Variants in LMAN2L observed in about 807,000 individuals in gnomAD.
LMAN2L encodes lectin, mannose binding 2 like, also known as VIP36-like protein.
LMAN2L carries 30 observed loss-of-function variants against 44.3 expected under a neutral mutation model. The observed-to-expected ratio is 0.68, with a 90% confidence interval of 0.51 to 0.92. The LOEUF (loss-of-function observed/expected upper bound fraction) is 0.92, where lower values mean the gene tolerates loss of function less well. Ranked by LOEUF, LMAN2L falls within the 40% of genes least tolerant of loss-of-function variation. The pLI, the probability that LMAN2L is intolerant of heterozygous loss-of-function variation, is 0.00. For missense variants in LMAN2L, 429 were observed against 446.1 expected, an observed-to-expected ratio of 0.96 and a Z score of 0.35; for synonymous variants, 183 against 171.1, an observed-to-expected ratio of 1.07 and a Z score of -0.54.
At chr2:96,717,676 T>C (rs548269640) in intron 4 of LMAN2L, among the ~76,000 whole-genome samples, 12 of 151,586 alleles carry the variant, frequency 7.9e-5, no homozygotes, top group East Asian at 5.9e-4. Flanking sequence ...CCCGTCCCTA[T>C]TAAAAATACA....
At chr2:96,708,133 G>A (rs2077826277) in intron 6 of LMAN2L, among the ~76,000 whole-genome samples, 1 of 152,210 alleles carries the variant, frequency 6.6e-6, no homozygotes, top group African/African-American at 2.4e-5. Context: ...TCTGCGCTTA[G>A]CAGAAACCAT....
At chr2:96,708,278 G>A (rs1241720009) in intron 6 of LMAN2L, among the ~76,000 whole-genome samples, 2 of 152,242 alleles carry the variant, frequency 1.3e-5, no homozygotes, top group African/African-American at 2.4e-5. Context: ...AACCAGTACT[G>A]CATCGTGTAC....
chr2:96,707,866 C>T (rs1157469399), intron 6 of LMAN2L, 33 bp from the exon 7 acceptor site: 4 of 1,607,982 alleles, frequency 2.5e-6, no homozygotes, highest in Non-Finnish European at 3.4e-6. Context: ...TGACTTGTGC[C>T]ACTTGAAAAA....
intron 4 of LMAN2L, among the ~76,000 whole-genome samples, chr2:96,726,182 T>C (rs906375734): frequency 6.6e-6 from 1 of 151,460 alleles, no homozygotes; most frequent in Non-Finnish European, 1.5e-5. Context: ...TTTTATAATA[T>C]TTTTGCATAT....
chr2:96,711,580 G>C, intron 6 of LMAN2L, 76 bp downstream of exon 6: 1 of 975,130 alleles, frequency 1.0e-6, no homozygotes, highest in South Asian at 1.4e-5. Context: ...GCTCTCCCCT[G>C]TGAGAGGCCT....
At position 96,740,033 on chromosome 2, in the gene LMAN2L, G is replaced by C. The variant is rs768460693; in HGVS notation, c.8C>G (p.Ala3Gly). Residue 3 changes from alanine (A) to glycine (G), a missense_variant, in exon 1 of 8, where the codon GCG becomes GGG. Physicochemically the swap from Ala to Gly is moderately conservative, Grantham distance 60 (BLOSUM62 0). Transcript: ENST00000264963. The part of the protein sequence containing the change: MA[A>G]TLGPLGSWQQ... ...CCACGACCCAAGGGGTCCCAGAGTCGCCGCCATCTTTCCCACCAACGACCC... is the reference window on the plus strand; with the variant it reads ...CCACGACCCAAGGGGTCCCAGAGTCCCCGCCATCTTTCCCACCAACGACCC... 1 of 1,605,314 alleles carries C rather than the reference G, an allele frequency of 6.2e-7. No homozygotes were observed.
Position 96,733,540 on chromosome 2 carries a change from G to A in LMAN2L, c.486C>T (p.Pro162=), listed in dbSNP as rs762369457. 2 of 1,613,742 alleles carry A rather than the reference G, an allele frequency of 1.2e-6. No homozygotes were observed. The highest frequency in any genetic ancestry group is 2.2e-5 in the South Asian group (2 of 91,060). Reference sequence around the variant, plus strand: ...TTACCTCTTGCTGCTTCTCCTCATTGGGGTAGGTGTCTACAAATACTCCCA... The same window carrying A: ...TTACCTCTTGCTGCTTCTCCTCATTAGGGTAGGTGTCTACAAATACTCCCA... ...VGLGVFVDTY[P]NEEKQQERVF... The change falls in exon 4 of 8, where the codon CCC becomes CCT. Residue 162 remains proline, a synonymous_variant. Coordinates refer to ENST00000264963, the MANE Select transcript of LMAN2L (RefSeq NM_030805.4).
intron 4 of LMAN2L, among the ~76,000 whole-genome samples, chr2:96,732,244 C>T (rs1222061113): frequency 6.8e-6 from 1 of 146,996 alleles, no homozygotes; most frequent in Non-Finnish European, 1.5e-5. Flanking sequence ...TCCTGATTTC[C>T]TCGCTAGGTA....
At chr2:96,722,980 A>T (rs1182156305) in intron 4 of LMAN2L, among the ~76,000 whole-genome samples, 1 of 152,166 alleles carries the variant, frequency 6.6e-6, no homozygotes, top group African/African-American at 2.4e-5. Flanking sequence ...AGATCACGCC[A>T]CTGCACTTCA....
At chr2:96,724,383 T>C (rs1470653908) in intron 4 of LMAN2L, among the ~76,000 whole-genome samples, 1 of 152,198 alleles carries the variant, frequency 6.6e-6, no homozygotes, top group Admixed American at 6.5e-5. Context: ...TTTTGAGAGG[T>C]AGGGACTGCA....
chr2:96,730,682 C>CT (rs202044401), intron 4 of LMAN2L, among the ~76,000 whole-genome samples: 16 of 151,520 alleles, frequency 1.1e-4, no homozygotes, highest in African/African-American at 2.2e-4. Context: ...CTCTCTCTCT[C>CT]TTTTTTTTGA....
intron 4 of LMAN2L, among the ~76,000 whole-genome samples, chr2:96,725,617 G>A (rs2078254385): frequency 6.7e-6 from 1 of 148,950 alleles, no homozygotes; most frequent in Admixed American, 6.7e-5. Flanking sequence ...TGATTTTTTT[G>A]TATTTTTTTA....
chr2:96,708,349 A>G (rs1038904832), intron 6 of LMAN2L, among the ~76,000 whole-genome samples: 7 of 152,212 alleles, frequency 4.6e-5, no homozygotes, highest in Admixed American at 4.6e-4. Context: ...TTTGTGTTAG[A>G]TGATTTTGCC....
chr2:96,728,355 G>T (rs1049311098), intron 4 of LMAN2L, among the ~76,000 whole-genome samples: 3 of 151,898 alleles, frequency 2.0e-5, no homozygotes, highest in Non-Finnish European at 4.4e-5. Context: ...AAAATTAGCC[G>T]GGCGTGGTTG....
At chr2:96,734,791 A>G (rs1365057883) in intron 2 of LMAN2L, 1 of 437,638 alleles carries the variant, frequency 2.3e-6, no homozygotes, top group Non-Finnish European at 4.2e-6. Flanking sequence ...AGAACTCCAA[A>G]GTTGGAAAAG....
chr2:96,734,369 G>T, intron 3 of LMAN2L, 40 bp downstream of exon 3: 2 of 1,216,514 alleles, frequency 1.6e-6, no homozygotes, highest in Non-Finnish European at 2.4e-6. Flanking sequence ...GAAAAATCAG[G>T]CTGTCACACC....
intron 3 of LMAN2L, 23 bp from the exon 4 acceptor site, chr2:96,733,624 G>T: frequency 6.4e-7 from 1 of 1,573,940 alleles, no homozygotes; most frequent in South Asian, 1.1e-5. Context: ...AACAGATGAT[G>T]AACAATGAAA....
At chr2:96,715,960 T>C (rs1184506602) in intron 4 of LMAN2L, among the ~76,000 whole-genome samples, 1 of 152,214 alleles carries the variant, frequency 6.6e-6, no homozygotes, top group Non-Finnish European at 1.5e-5. Context: ...AAATGAGATA[T>C]GCGAAGCATT....
At chr2:96,735,875 C>CAGT (rs2078504521) in intron 2 of LMAN2L, among the ~76,000 whole-genome samples, 1 of 149,392 alleles carries the variant, frequency 6.7e-6, no homozygotes, top group Non-Finnish European at 1.5e-5. Context: ...AGGCCAGGCA[C>CAGT]AGTAGTTCAC....
Sources: allele counts gnomAD v4.1 joint callset (sites outside exome capture counted in the v4.1 genomes callset), GRCh38; gene constraint gnomAD v4.1.1; transcripts MANE v1.5; gene names NCBI Gene and HGNC (gene_info 2026-07-23, HGNC 2026-07-21).